SMAP1: variants seen among roughly 807,000 people sequenced by gnomAD.
SMAP1 encodes stromal membrane-associated protein 1.
SMAP1 carries 24 observed loss-of-function variants against 58.5 expected under a neutral mutation model. That is an observed-to-expected ratio of 0.41 (90% CI 0.30 to 0.58). The LOEUF (loss-of-function observed/expected upper bound fraction) is 0.58, where lower values mean the gene tolerates loss of function less well. Among genes scored for constraint, SMAP1 ranks in the 20% least tolerant of loss-of-function variants. SMAP1 has a pLI of 0.29. For synonymous variants in SMAP1, 216 were observed against 196.6 expected, an observed-to-expected ratio of 1.10 and a Z score of -0.82; for missense variants, 563 against 566.3, an observed-to-expected ratio of 0.99 and a Z score of 0.06.
intron 1 of SMAP1, among the ~76,000 whole-genome samples, chr6:70,679,166 G>A (rs1277638933): frequency 2.0e-5 from 3 of 151,934 alleles, no homozygotes; most frequent in African/African-American, 7.3e-5. Context: ...TTACAGGTGT[G>A]TGCCACCACA....
chr6:70,747,377 G>A (rs1473991883), intron 2 of SMAP1, among the ~76,000 whole-genome samples: 1 of 152,192 alleles, frequency 6.6e-6, no homozygotes, highest in Non-Finnish European at 1.5e-5. Flanking sequence ...GTAGTGTTCT[G>A]TGACCAGAGT....
intron 9 of SMAP1, chr6:70,857,424 TAAC>T (rs1484686098): frequency 5.9e-5 from 10 of 168,246 alleles, no homozygotes; most frequent in South Asian, 1.7e-4. Context: ...TTTGTAATCA[TAAC>T]AAAATATTAG....
chr6:70,813,204 T>C (rs1769466059), intron 6 of SMAP1, among the ~76,000 whole-genome samples: 1 of 152,100 alleles, frequency 6.6e-6, no homozygotes, highest in African/African-American at 2.4e-5. Flanking sequence ...TGTACTGGCC[T>C]ATGATAGTGT....
At chr6:70,714,243 A>G (rs1330532653) in intron 1 of SMAP1, among the ~76,000 whole-genome samples, 1 of 151,992 alleles carries the variant, frequency 6.6e-6, no homozygotes, top group East Asian at 1.9e-4. Context: ...GTAATTATTG[A>G]CAAGGAAAGA....
intron 6 of SMAP1, among the ~76,000 whole-genome samples, chr6:70,804,049 C>T (rs1768998512): frequency 6.6e-6 from 1 of 152,134 alleles, no homozygotes; most frequent in African/African-American, 2.4e-5. Context: ...TCTTTGTTAA[C>T]CTTCTGTCTC....
chr6:70,825,487 A>G (rs993108514), intron 6 of SMAP1, among the ~76,000 whole-genome samples: 9 of 152,084 alleles, frequency 5.9e-5, no homozygotes, highest in African/African-American at 1.9e-4. Context: ...CAATAGTGAG[A>G]TGAGTGTTAA....
At chr6:70,783,881 G>A (rs915660336) in intron 4 of SMAP1, among the ~76,000 whole-genome samples, 2 of 152,206 alleles carry the variant, frequency 1.3e-5, no homozygotes, top group African/African-American at 4.8e-5. Flanking sequence ...ACACTCTGCA[G>A]GATATTATCC....
At chr6:70,809,402 G>A (rs112016150) in intron 6 of SMAP1, among the ~76,000 whole-genome samples, 4,502 of 152,254 alleles carry the variant, frequency 0.03, 248 homozygotes, top group African/African-American at 0.1. Flanking sequence ...TGATAAATAT[G>A]TCAGCTAACC....
At chr6:70,837,769 C>CTT in intron 7 of SMAP1, 6 of 1,151,558 alleles carry the variant, frequency 5.2e-6, no homozygotes, top group East Asian at 8.4e-5. Flanking sequence ...TTAAATTTTT[C>CTT]TTTTTTTTTA....
intron 1 of SMAP1, among the ~76,000 whole-genome samples, chr6:70,672,285 C>G (rs1362507576): frequency 6.6e-6 from 1 of 152,034 alleles, no homozygotes; most frequent in African/African-American, 2.4e-5. Context: ...TGACTTTTGC[C>G]CATTGGTGGT....
At chr6:70,810,605 C>A (rs1769344102) in intron 6 of SMAP1, among the ~76,000 whole-genome samples, 1 of 151,954 alleles carries the variant, frequency 6.6e-6, no homozygotes, top group African/African-American at 2.4e-5. Flanking sequence ...GATACAGGGT[C>A]TCACTATTTC....
intron 4 of SMAP1, among the ~76,000 whole-genome samples, chr6:70,788,525 C>G (rs1022782312): frequency 6.6e-6 from 1 of 151,996 alleles, no homozygotes; most frequent in Non-Finnish European, 1.5e-5. Flanking sequence ...ACTCCAGACT[C>G]TATAGAGAGA....
At chr6:70,794,592 C>T (rs557755759) in intron 5 of SMAP1, among the ~76,000 whole-genome samples, 69 of 152,174 alleles carry the variant, frequency 4.5e-4, no homozygotes, top group South Asian at 8.3e-4. Context: ...GTGATGTTCC[C>T]CGCCCTATGT....
chr6:70,824,642 T>TAGC (rs1770037367), intron 6 of SMAP1, among the ~76,000 whole-genome samples: 1 of 152,210 alleles, frequency 6.6e-6, no homozygotes, highest in South Asian at 2.1e-4. Context: ...AATGAAATGA[T>TAGC]ACACTTCATA....
At chr6:70,847,457 A>T (rs1422197777) in intron 7 of SMAP1, among the ~76,000 whole-genome samples, 1 of 152,244 alleles carries the variant, frequency 6.6e-6, no homozygotes, top group East Asian at 1.9e-4. Context: ...CAAATAAGAC[A>T]CTAGCCTAAC....
At chr6:70,765,831 G>A (rs1394572258) in intron 3 of SMAP1, among the ~76,000 whole-genome samples, 2 of 151,658 alleles carry the variant, frequency 1.3e-5, no homozygotes, top group Non-Finnish European at 2.9e-5. Context: ...TGCCATGTTG[G>A]TGTGCTGCAC....
intron 4 of SMAP1, among the ~76,000 whole-genome samples, chr6:70,787,411 A>G (rs923438156): frequency 6.6e-6 from 1 of 152,198 alleles, no homozygotes; most frequent in Non-Finnish European, 1.5e-5. Flanking sequence ...TGTCTAAAAC[A>G]CCAAGAGCAA....
chr6:70,733,623 A>G (rs936248161), intron 2 of SMAP1, among the ~76,000 whole-genome samples: 2 of 152,074 alleles, frequency 1.3e-5, no homozygotes, highest in African/African-American at 2.4e-5. Flanking sequence ...CGATTCTCCC[A>G]TGTCAGCCTT....
chr6:70,860,170 C>T, intron 10 of SMAP1, 30 bp from the exon 11 acceptor site: 2 of 1,576,534 alleles, frequency 1.3e-6, no homozygotes, highest in Non-Finnish European at 8.6e-7. Context: ...AAGTAAGCCT[C>T]TTGAACTAAG....
Sources: allele counts gnomAD v4.1 joint callset (sites outside exome capture counted in the v4.1 genomes callset), GRCh38; gene constraint gnomAD v4.1.1; transcripts MANE v1.5; gene names NCBI Gene and HGNC (gene_info 2026-07-23, HGNC 2026-07-21).